The following PMEPA1 variants were observed in gnomAD, a reference collection of about 807,000 sequenced individuals.
PMEPA1 encodes prostate transmembrane protein, androgen induced 1.
In PMEPA1, 11 loss-of-function variants were observed where a neutral mutation model predicts 23.0. The ratio of observed to expected loss-of-function variants is 0.48; its 90% confidence interval spans 0.30 to 0.79. The LOEUF is 0.79. PMEPA1 is among the 30% of genes least tolerant of loss of function. The probability of loss-of-function intolerance (pLI) is 0.06; values close to 1 mark genes in which losing one functional copy is unlikely to be tolerated. For missense variants in PMEPA1, 377 were observed against 390.9 expected (o/e 0.96, Z 0.30); for synonymous variants, 204 against 166.4 (o/e 1.23, Z -1.74).
rs551792489 is a variant in PMEPA1, at chr20:57,700,761, C to T, written c.109+8713G>A. Among the ~76,000 whole-genome samples the T allele has an allele frequency of 1.4e-3, 207 of 152,318 alleles. 1 individual carries two copies. The highest frequency in any genetic ancestry group is 6.8e-3 in the Middle Eastern group (2 of 294). On this transcript the variant is annotated intron_variant, in intron 1 of 3. Coordinates refer to ENST00000341744, the MANE Select transcript of PMEPA1 (RefSeq NM_020182.5). ...TCAAAAAAGGAGCCGGGCATGGTAG[C>T]TCACACCTGTAATCTCAGCACTTTG...
intron 1 of PMEPA1, among the ~76,000 whole-genome samples, chr20:57,673,304 T>C (rs1568972380): frequency 6.6e-6 from 1 of 152,142 alleles, no homozygotes; most frequent in Non-Finnish European, 1.5e-5. Context: ...AGCCACTTCC[T>C]TCTCTGGCTG....
At chr20:57,653,748 C>T (rs979990256) in intron 2 of PMEPA1, among the ~76,000 whole-genome samples, 9 of 152,334 alleles carry the variant, frequency 5.9e-5, no homozygotes, top group South Asian at 2.1e-4. Flanking sequence ...CCAGGCTGCA[C>T]GGCCCGCTGC....
At chr20:57,710,790 G>A (rs1045225895), upstream of PMEPA1, 2 of 330,728 alleles carry the variant, frequency 6.0e-6, no homozygotes, top group Non-Finnish European at 1.1e-5. Context: ...TTTAATTACA[G>A]GAGTGCTACA....
At chr20:57,675,714 C>A (rs2071627988) in intron 1 of PMEPA1, among the ~76,000 whole-genome samples, 1 of 152,178 alleles carries the variant, frequency 6.6e-6, no homozygotes, top group South Asian at 2.1e-4. Context: ...AGAGGGGGCT[C>A]CAGGGCAGCA....
At chr20:57,672,668 T>TG in intron 1 of PMEPA1, among the ~76,000 whole-genome samples, 1 of 151,858 alleles carries the variant, frequency 6.6e-6, no homozygotes, top group South Asian at 2.1e-4. Context: ...GGCAGGGAGG[T>TG]GGGCAGATGG....
At chr20:57,691,435 C>A (rs561882536) in intron 1 of PMEPA1, among the ~76,000 whole-genome samples, 3 of 152,280 alleles carry the variant, frequency 2.0e-5, no homozygotes, top group East Asian at 3.9e-4. Context: ...CCCAGACTGA[C>A]TGAGAGTTGA....
rs1291421122 is a variant in PMEPA1, at chr20:57,653,089, G to A, written c.265-3C>T. 1.3e-6 allele frequency: 2 copies of A among 1,581,718 alleles called. No individual in the cohort carries two copies. Among genetic ancestry groups the A allele is most frequent in the South Asian group, 1.2e-5 (1 of 86,536 alleles). ...TCCGAGGGCCACAGGCATCCTTCCT[G>A]CACAGGAAGAAACGTACAAGCAGGG... On this transcript the variant is annotated splice_polypyrimidine_tract_variant and splice_region_variant and intron_variant, in intron 2 of 3. Coordinates refer to ENST00000341744, the MANE Select transcript of PMEPA1 (RefSeq NM_020182.5).
intron 2 of PMEPA1, among the ~76,000 whole-genome samples, chr20:57,657,695 T>C (rs2071347332): frequency 6.6e-6 from 1 of 152,178 alleles, no homozygotes; most frequent in African/African-American, 2.4e-5. Context: ...GGCTGGGGCC[T>C]GATGCAAGCA....
chr20:57,656,299 G>A lies in PMEPA1; in HGVS notation c.265-3213C>T, dbSNP rs557932196. Among the ~76,000 whole-genome samples, 29 of 151,542 alleles carry A rather than the reference G, an allele frequency of 1.9e-4. No homozygotes were observed. The Middle Eastern group carries it at 0.01, about 54-fold the overall frequency. On this transcript the variant is annotated intron_variant, in intron 2 of 3. Transcript: ENST00000341744. This position sits in a 1 kb window ranked among gnomAD's most constrained non-coding sequence, Gnocchi z 4.7. The stretch of plus-strand genomic sequence containing the variant: ...CTTTGGCTCCCGCTGCTGGCAGATT[G>A]TCGCACATTGGCCTGGCCACAGTCT...
At chr20:57,688,105 G>C (rs573408899) in intron 1 of PMEPA1, among the ~76,000 whole-genome samples, 1 of 152,274 alleles carries the variant, frequency 6.6e-6, no homozygotes, top group East Asian at 1.9e-4. Context: ...TCCGCCTCGG[G>C]ACGGCCTCAG....
At chr20:57,703,164 C>G (rs1212696225) in intron 1 of PMEPA1, among the ~76,000 whole-genome samples, 2 of 152,218 alleles carry the variant, frequency 1.3e-5, no homozygotes, top group African/African-American at 2.4e-5. Flanking sequence ...TGCAGCCCAC[C>G]CTGGGGAGAA....
chr20:57,695,647 G>A (rs1231492790), intron 1 of PMEPA1, among the ~76,000 whole-genome samples: 1 of 152,202 alleles, frequency 6.6e-6, no homozygotes, highest in African/African-American at 2.4e-5. Context: ...AGAATTACAG[G>A]TGTGAGCCAC....
In PMEPA1 at chr20:57,655,571, C is replaced by T. The variant is rs2071315410; in HGVS notation, c.265-2485G>A. ...CTTGAGAAGTCGGGGGAGGTGGGCC[C>T]AGCTTCAGAATTGTCTGGAACCTTC... On this transcript the variant is annotated intron_variant, in intron 2 of 3. Transcript: ENST00000341744. The surrounding 1 kb of genome is among the most constrained non-coding windows in gnomAD (Gnocchi z 4.2). 6.6e-6 allele frequency among the ~76,000 whole-genome samples: 1 copy of T among 152,170 alleles called. No individual in the cohort carries two copies. The highest frequency in any genetic ancestry group is 2.4e-5 in the African/African-American group (1 of 41,442).
At chr20:57,657,397 G>A (rs2071340792) in intron 2 of PMEPA1, among the ~76,000 whole-genome samples, 1 of 152,188 alleles carries the variant, frequency 6.6e-6, no homozygotes, top group South Asian at 2.1e-4. Context: ...CAAGCAGTGT[G>A]GCCTCCGGCA....
At position 57,673,915 on chromosome 20, in the gene PMEPA1, A is replaced by T. The variant is rs1375667168; in HGVS notation, c.110-14218T>A. On this transcript the variant is annotated intron_variant, in intron 1 of 3. Transcript: ENST00000341744. ...TTTCCCACCTTCAGACCCCAAGAGC[A>T]AATGGGGCCTCACTCATGCAACCAA... is the stretch of plus-strand genomic sequence containing the variant. 3.3e-5 allele frequency among the ~76,000 whole-genome samples: 5 copies of T among 152,170 alleles called. No homozygotes were observed. In the East Asian group the frequency reaches 9.6e-4, roughly 29 times the overall value.
Position 57,683,484 on chromosome 20 carries a change from C to T in PMEPA1, c.110-23787G>A, listed in dbSNP as rs566632941. Among the ~76,000 whole-genome samples the T allele has an allele frequency of 1.3e-5, 2 of 151,690 alleles. No individual in the cohort carries two copies. Among genetic ancestry groups the T allele is most frequent in the Non-Finnish European group, 2.9e-5 (2 of 68,010 alleles). ...ATTCCTGCTTGGGAGCTTCCTGGAGCGAGCAGCCCTGCATGCATTACGAAC... is the reference window on the plus strand; with the variant it reads ...ATTCCTGCTTGGGAGCTTCCTGGAGTGAGCAGCCCTGCATGCATTACGAAC... On this transcript the variant is annotated intron_variant, in intron 1 of 3. Transcript: ENST00000341744. The surrounding 1 kb of genome is among the most constrained non-coding windows in gnomAD (Gnocchi z 4.3).
rs1047396536 is a variant in PMEPA1 at position 57,649,267 on chromosome 20, A to G, written c.*2786T>C. 1.3e-5 allele frequency: 2 copies of G among 152,190 alleles called. No homozygotes were observed. The highest frequency in any genetic ancestry group is 1.3e-4 in the Admixed American group (2 of 15,276). The allele number at this position is 152,190 out of a possible 1,614,324, so 9.4% of individuals were successfully genotyped here. On this transcript the variant is annotated 3_prime_UTR_variant, in exon 4 of 4. Transcript: ENST00000341744. ...TTTCAAAGATAACGTGACAACTACC[A>G]TCTAGAGGAAAGGGTGCACCCTCAG...
At chr20:57,675,909 G>T (rs6025717) in intron 1 of PMEPA1, among the ~76,000 whole-genome samples, 1 of 152,126 alleles carries the variant, frequency 6.6e-6, no homozygotes, top group Admixed American at 6.5e-5. Context: ...TTCAGGCAAC[G>T]TGAAAAACAG....
chr20:57,684,614 T>A (rs539416194), intron 1 of PMEPA1, among the ~76,000 whole-genome samples: 1 of 152,196 alleles, frequency 6.6e-6, no homozygotes. Context: ...TCCACCCCCA[T>A]AGCTTGCCAG....
Sources: gnomAD v4.1 joint callset for allele counts (sites outside exome capture counted in the v4.1 genomes callset) on GRCh38, gnomAD v4.1.1 for gene constraint, Gnocchi (gnomAD v3.1) non-coding constraint, MANE v1.5 for transcripts, NCBI Gene and HGNC (gene_info 2026-07-23, HGNC 2026-07-21) for gene names.